CHIC2: variants seen among roughly 807,000 people sequenced by gnomAD.
The protein encoded by CHIC2 is cysteine-rich hydrophobic domain-containing protein 2.
CHIC2 carries 14 observed loss-of-function variants against 25.9 expected under a neutral mutation model. The ratio of observed to expected loss-of-function variants is 0.54; its 90% CI spans 0.36 to 0.85. CHIC2 has a LOEUF of 0.85. Among genes scored for constraint, CHIC2 ranks in the 40% least tolerant of loss-of-function variants. The pLI, the probability that CHIC2 is intolerant of heterozygous loss-of-function variation, is 0.01. For synonymous variants in CHIC2, 70 were observed against 72.0 expected (o/e 0.97, Z 0.14); for missense variants, 146 against 202.0 (o/e 0.72, Z 1.68).
chr4:54,055,134 A>T (rs1381866343), intron 1 of CHIC2, among the ~76,000 whole-genome samples: 4 of 151,940 alleles, frequency 2.6e-5, no homozygotes, highest in Admixed American at 6.6e-5. Flanking sequence ...GGAAGAAAAA[A>T]ATATATATAT....
At chr4:54,038,399 T>C (rs73818148) in intron 3 of CHIC2, among the ~76,000 whole-genome samples, 2,487 of 152,266 alleles carry the variant, frequency 0.016, 60 homozygotes, top group African/African-American at 0.057. Context: ...GAAATACTTA[T>C]GTATAAAGCT....
At chr4:54,077,682 T>C in the CHIC2 span, among the ~76,000 whole-genome samples, 9 of 152,202 alleles carry the variant, frequency 5.9e-5, no homozygotes, top group Non-Finnish European at 1.2e-4. Flanking sequence ...TGCAAGGCTG[T>C]TGAGGCTACT....
chr4:54,039,970 A>G (rs1332910015), intron 3 of CHIC2, among the ~76,000 whole-genome samples: 1 of 152,254 alleles, frequency 6.6e-6, no homozygotes, highest in Non-Finnish European at 1.5e-5. Flanking sequence ...CTCCATTTAT[A>G]TAATATTCTA....
At chr4:54,087,754 G>A in the CHIC2 span, 2 of 490,822 alleles carry the variant, frequency 4.1e-6, no homozygotes, top group Non-Finnish European at 7.4e-6. Flanking sequence ...TTACAAAGTA[G>A]CTTCTGCTAA....
chr4:54,077,293 AG>A, the CHIC2 span, among the ~76,000 whole-genome samples: 4 of 152,334 alleles, frequency 2.6e-5, no homozygotes, highest in Admixed American at 6.5e-5. Flanking sequence ...CCTCCTTCAC[AG>A]AAAAAATTCA....
At chr4:54,037,736 T>C (rs562870980) in intron 3 of CHIC2, among the ~76,000 whole-genome samples, 5 of 152,226 alleles carry the variant, frequency 3.3e-5, no homozygotes, top group South Asian at 2.1e-4. Context: ...AAAATTAAAC[T>C]AGAAATCAGT....
intron 3 of CHIC2, among the ~76,000 whole-genome samples, chr4:54,048,132 G>C (rs1716893360): frequency 6.6e-6 from 1 of 152,090 alleles, no homozygotes; most frequent in African/African-American, 2.4e-5. Flanking sequence ...GGGATTACAG[G>C]CACCCGCCAC....
chr4:54,054,565 G>T (rs1471410067), intron 1 of CHIC2, among the ~76,000 whole-genome samples: 2 of 152,114 alleles, frequency 1.3e-5, no homozygotes, highest in African/African-American at 4.8e-5. Context: ...AATCTGAAAA[G>T]ATGCTACACA....
At chr4:54,035,236 G>C (rs1182491687) in intron 3 of CHIC2, among the ~76,000 whole-genome samples, 1 of 152,076 alleles carries the variant, frequency 6.6e-6, no homozygotes, top group African/African-American at 2.4e-5. Context: ...TTGGCCTCAG[G>C]GTAACGATGG....
At chr4:54,088,239 G>A in the CHIC2 span, among the ~76,000 whole-genome samples, 161 of 151,930 alleles carry the variant, frequency 1.1e-3, no homozygotes, top group East Asian at 7.5e-3. Flanking sequence ...CTGCAAATCC[G>A]TCTATGTTGT....
chr4:54,037,385 A>C (rs1381277663), intron 3 of CHIC2, among the ~76,000 whole-genome samples: 1 of 152,098 alleles, frequency 6.6e-6, no homozygotes, highest in East Asian at 1.9e-4. Flanking sequence ...AAACAAGAAG[A>C]CAAAAAAGAA....
At chr4:54,065,238 A>ATTTTTTTTTTTTT (rs368744053), upstream of CHIC2, 1 of 613,632 alleles carries the variant, frequency 1.6e-6, no homozygotes, top group Non-Finnish European at 2.0e-6. Flanking sequence ...CGATGCTGGT[A>ATTTTTTTTTTTTT]TTTTTTTTTT....
chr4:54,064,514 A>T lies in CHIC2; in HGVS notation c.-214T>A. On this transcript the variant is annotated 5_prime_UTR_variant, in exon 1 of 6. Coordinates refer to ENST00000263921, the MANE Select transcript of CHIC2 (RefSeq NM_012110.4). The surrounding 1 kb of genome is among the most constrained non-coding windows in gnomAD (Gnocchi z 4.2). ...CGCCGCCATTACCATCAGCAATAACAACAACACAATGTCAACATCCGCCCA... is the reference window on the plus strand; with the variant it reads ...CGCCGCCATTACCATCAGCAATAACTACAACACAATGTCAACATCCGCCCA... The T allele has an allele frequency of 7.0e-7, 1 of 1,418,798 alleles. No homozygotes were observed. The highest frequency in any genetic ancestry group is 9.1e-7 in the Non-Finnish European group (1 of 1,093,754). The allele number at this position is 1,418,798 out of a possible 1,614,324, so 87.9% of individuals were successfully genotyped here. A position where few individuals can be genotyped will look rare whatever the true frequency, so the allele number is the denominator to read the frequency against.
At position 54,009,971 on chromosome 4, in the gene CHIC2, C is replaced by CA. The variant is rs1715528749; in HGVS notation, c.*123dup. On this transcript the variant is annotated 3_prime_UTR_variant, in exon 6 of 6. Coordinates refer to ENST00000263921, the MANE Select transcript of CHIC2 (RefSeq NM_012110.4). ...CGGTTATTTAAAAAAAAAACAAAAA[C>CA]AAAAACAAAAAAAACACCACACGAT... The CA allele has an allele frequency of 4.4e-6, 2 of 455,806 alleles. No homozygotes were observed. Among genetic ancestry groups the CA allele is most frequent in the Non-Finnish European group, 3.7e-6 (1 of 269,552 alleles). The allele number at this position is 455,806 out of a possible 1,614,324, so 28.2% of individuals were successfully genotyped here. A position where few individuals can be genotyped will look rare whatever the true frequency, so the allele number is the denominator to read the frequency against.
chr4:54,085,506 A>G, the CHIC2 span, among the ~76,000 whole-genome samples: 2 of 152,232 alleles, frequency 1.3e-5, no homozygotes, highest in African/African-American at 4.8e-5. Flanking sequence ...CTAAGACAGT[A>G]GTTGGTTTGC....
the CHIC2 span, among the ~76,000 whole-genome samples, chr4:54,080,577 G>A: frequency 6.6e-6 from 1 of 151,816 alleles, no homozygotes; most frequent in Non-Finnish European, 1.5e-5. Context: ...ACCAACCTGA[G>A]CAACATGGTG....
intron 3 of CHIC2, among the ~76,000 whole-genome samples, chr4:54,048,583 T>C (rs1025475547): frequency 6.6e-6 from 1 of 152,106 alleles, no homozygotes; most frequent in Non-Finnish European, 1.5e-5. Flanking sequence ...AAGTAGTAGG[T>C]GAACATTTTA....
upstream of CHIC2, among the ~76,000 whole-genome samples, chr4:54,065,733 T>C (rs1717503305): frequency 6.6e-6 from 1 of 152,164 alleles, no homozygotes; most frequent in Non-Finnish European, 1.5e-5. Flanking sequence ...AGCCCAGCGC[T>C]GGTCAGGCTC....
intron 3 of CHIC2, among the ~76,000 whole-genome samples, chr4:54,043,854 C>A (rs1716676657): frequency 2.0e-5 from 3 of 152,150 alleles, no homozygotes; most frequent in Admixed American, 6.5e-5. Context: ...AAGGCACAGA[C>A]TGGCAAACTG....
Sources: gnomAD v4.1 joint callset for allele counts (sites outside exome capture counted in the v4.1 genomes callset) on GRCh38, gnomAD v4.1.1 for gene constraint, Gnocchi (gnomAD v3.1) non-coding constraint, MANE v1.5 for transcripts, NCBI Gene and HGNC (gene_info 2026-07-23, HGNC 2026-07-21) for gene names.